The following NELL1 variants were observed in gnomAD, a reference collection of about 807,000 sequenced individuals.
The protein encoded by NELL1 is neural EGFL like 1.
NELL1 carries 76 observed loss-of-function variants against 107.4 expected under a neutral mutation model. The observed-to-expected ratio is 0.71, with a 90% confidence interval of 0.59 to 0.86. NELL1 has a LOEUF of 0.86. Ranked by LOEUF, NELL1 falls within the 40% of genes least tolerant of loss-of-function variation. The probability of loss-of-function intolerance (pLI) is 0.00; values close to 1 mark genes in which losing one functional copy is unlikely to be tolerated. For synonymous variants in NELL1, 353 were observed against 341.2 expected, an observed-to-expected ratio of 1.03 and a Z score of -0.38; for missense variants, 1,024 against 1,005.5, an observed-to-expected ratio of 1.02 and a Z score of -0.25.
chr11:21,043,393 A>G (rs565452468), intron 12 of NELL1, among the ~76,000 whole-genome samples: 1 of 152,322 alleles, frequency 6.6e-6, no homozygotes, highest in South Asian at 2.1e-4. Flanking sequence ...CCTTAAGGTT[A>G]GAAAGAACAT....
At chr11:21,440,538 T>C (rs1012597617) in intron 15 of NELL1, among the ~76,000 whole-genome samples, 10 of 152,180 alleles carry the variant, frequency 6.6e-5, no homozygotes, top group Non-Finnish European at 1.3e-4. Context: ...AAAGAAACAA[T>C]GTCAAAATAA....
Position 20,894,976 on chromosome 11 carries a change from A to C in NELL1, c.603+9436A>C, listed in dbSNP as rs190248801. 5.9e-5 allele frequency among the ~76,000 whole-genome samples: 9 copies of C among 151,844 alleles called. No individual in the cohort carries two copies. The East Asian group carries it at 1.4e-3, about 23-fold the overall frequency. On this transcript the variant is annotated intron_variant, in intron 5 of 19. Coordinates refer to ENST00000357134, the MANE Select transcript of NELL1 (RefSeq NM_006157.5). Reference sequence around the variant, plus strand: ...CAACCTACTCTGCTATCAAACATTGAAATTATTCCCTCTGGCCGGGCGCGG... The same window carrying C: ...CAACCTACTCTGCTATCAAACATTGCAATTATTCCCTCTGGCCGGGCGCGG...
intron 14 of NELL1, among the ~76,000 whole-genome samples, chr11:21,232,143 A>AAAT (rs1481744624): frequency 3.2e-5 from 1 of 31,194 alleles, no homozygotes; most frequent in Non-Finnish European, 6.0e-5. Flanking sequence ...CTACTAAAAA[A>AAAT]AAATAAAAAA....
chr11:21,116,236 A>G (rs139143751), intron 13 of NELL1, among the ~76,000 whole-genome samples: 38 of 151,742 alleles, frequency 2.5e-4, no homozygotes, highest in African/African-American at 7.7e-4. Flanking sequence ...GTGCCATCCT[A>G]TTTCCTGGTT....
At chr11:21,531,607 A>T (rs534462089) in intron 15 of NELL1, among the ~76,000 whole-genome samples, 31 of 152,260 alleles carry the variant, frequency 2.0e-4, no homozygotes, top group African/African-American at 7.2e-4. Flanking sequence ...AGATTTTAGG[A>T]CTTTCTGTAG....
chr11:21,253,181 C>A (rs543650350), intron 14 of NELL1, among the ~76,000 whole-genome samples: 4 of 152,128 alleles, frequency 2.6e-5, no homozygotes, highest in African/African-American at 2.4e-5. Context: ...GAAGGACATA[C>A]CTATAACCTC....
chr11:20,894,821 A>C (rs1460075176), intron 5 of NELL1, among the ~76,000 whole-genome samples: 1 of 152,190 alleles, frequency 6.6e-6, no homozygotes, highest in African/African-American at 2.4e-5. Flanking sequence ...GCATGCACAG[A>C]ATTTTTAAGA....
At chr11:21,468,356 TATATTA>T (rs1854082395) in intron 15 of NELL1, among the ~76,000 whole-genome samples, 1 of 152,122 alleles carries the variant, frequency 6.6e-6, no homozygotes. Flanking sequence ...CATCCTTAGT[TATATTA>T]ATATCAGTTT....
At position 20,847,530 on chromosome 11, in the gene NELL1, G is replaced by A. The variant is rs960659060; in HGVS notation, c.336-53G>A. On this transcript the variant is annotated intron_variant, in intron 3 of 19. Coordinates refer to ENST00000357134, the MANE Select transcript of NELL1 (RefSeq NM_006157.5). The stretch of plus-strand genomic sequence containing the variant: ...AGTAAGGGGTTGAGGGATTGATGAT[G>A]GCTGTGATATCCAGAACTAAAATAA... 1.9e-6 allele frequency: 3 copies of A among 1,555,880 alleles called. No homozygotes were observed. In the African/African-American group the frequency reaches 4.1e-5, roughly 21 times the overall value.
chr11:21,059,609 C>T (rs775845383), intron 12 of NELL1, among the ~76,000 whole-genome samples: 4 of 152,068 alleles, frequency 2.6e-5, no homozygotes, highest in Admixed American at 1.3e-4. Context: ...TTTTTACTTT[C>T]GGATATACAC....
At chr11:20,744,415 G>A (rs1294558336) in intron 2 of NELL1, among the ~76,000 whole-genome samples, 1 of 152,190 alleles carries the variant, frequency 6.6e-6, no homozygotes, top group Non-Finnish European at 1.5e-5. Flanking sequence ...AGCTATTGCT[G>A]TATAACACAC....
intron 5 of NELL1, among the ~76,000 whole-genome samples, chr11:20,895,566 C>G (rs183290257): frequency 1.5e-5 from 2 of 129,710 alleles, no homozygotes; most frequent in Non-Finnish European, 1.6e-5. Flanking sequence ...AGTGCAGTGG[C>G]GCGATCTTGG....
At chr11:20,992,011 A>AT (rs1851986914) in intron 12 of NELL1, among the ~76,000 whole-genome samples, 1 of 146,048 alleles carries the variant, frequency 6.8e-6, no homozygotes, top group Non-Finnish European at 1.5e-5. Context: ...AAAAAAAAAA[A>AT]GTTGAAAATA....
chr11:20,910,406 G>GT (rs1850101761), intron 5 of NELL1, among the ~76,000 whole-genome samples: 1 of 152,186 alleles, frequency 6.6e-6, no homozygotes. Context: ...TTCAAAATGT[G>GT]TGAGTACAAA....
At chr11:21,564,653 A>G (rs1856928519) in intron 17 of NELL1, among the ~76,000 whole-genome samples, 1 of 151,894 alleles carries the variant, frequency 6.6e-6, no homozygotes, top group African/African-American at 2.4e-5. Context: ...GTGAAAACAA[A>G]GTAATACTAA....
At chr11:21,146,357 CA>C (rs1414255476) in intron 13 of NELL1, among the ~76,000 whole-genome samples, 1 of 152,100 alleles carries the variant, frequency 6.6e-6, no homozygotes, top group Admixed American at 6.5e-5. Flanking sequence ...CTAATTTCAT[CA>C]GGAAGCCTTT....
chr11:20,708,789 A>G (rs528366147), intron 2 of NELL1, among the ~76,000 whole-genome samples: 2 of 152,194 alleles, frequency 1.3e-5, no homozygotes, highest in South Asian at 2.1e-4. Context: ...CATGAAGTCC[A>G]TGTCTAAGCG....
At chr11:21,349,087 T>C (rs547343662) in intron 14 of NELL1, among the ~76,000 whole-genome samples, 21 of 152,230 alleles carry the variant, frequency 1.4e-4, no homozygotes, top group Admixed American at 1.4e-3. Context: ...TTGGCAACCA[T>C]GTGCCTGGGT....
chr11:21,499,331 C>T (rs765279836), intron 15 of NELL1, among the ~76,000 whole-genome samples: 1 of 152,050 alleles, frequency 6.6e-6, no homozygotes, highest in Non-Finnish European at 1.5e-5. Context: ...CATCTTTACT[C>T]CACTGATAAT....
Sources: gnomAD v4.1 joint callset for allele counts (sites outside exome capture counted in the v4.1 genomes callset) on GRCh38, gnomAD v4.1.1 for gene constraint, MANE v1.5 for transcripts, NCBI Gene and HGNC (gene_info 2026-07-23, HGNC 2026-07-21) for gene names.